The following MBIP variants were observed in gnomAD, a reference collection of about 807,000 sequenced individuals.
MBIP encodes MAP3K12-binding inhibitory protein 1.
In MBIP, 32 loss-of-function variants were observed where a neutral mutation model predicts 45.7. The observed-to-expected ratio is 0.70, with a 90% CI of 0.53 to 0.94. The LOEUF (loss-of-function observed/expected upper bound fraction) is 0.94, where lower values mean the gene tolerates loss of function less well. MBIP is among the 40% of genes least tolerant of loss of function. The probability of loss-of-function intolerance (pLI) is 0.00; values close to 1 mark genes in which losing one functional copy is unlikely to be tolerated. For synonymous variants in MBIP, 145 were observed against 141.0 expected (o/e 1.03, Z -0.20); for missense variants, 381 against 405.5 (o/e 0.94, Z 0.52).
chr14:36,298,956 A>G lies in MBIP; in HGVS notation c.*127T>C. 3.3e-6 allele frequency: 2 copies of G among 597,952 alleles called. No individual in the cohort carries two copies. The highest frequency in any genetic ancestry group is 5.9e-6 in the Non-Finnish European group (2 of 341,308). The allele number at this position is 597,952 out of a possible 1,614,324, so 37.0% of individuals were successfully genotyped here. On this transcript the variant is annotated 3_prime_UTR_variant, in exon 9 of 9. Transcript: ENST00000416007. ...AGATTACTTGCTGCAAGCTGGACTC[A>G]TGTGAAAATAAACCTTGACTTCACA...
chr14:36,312,078 A>G, intron 4 of MBIP, 54 bp from the exon 5 acceptor site: 1 of 982,840 alleles, frequency 1.0e-6, no homozygotes, highest in South Asian at 1.8e-5. Context: ...CTTCAAATGT[A>G]TGAGATTTTA....
Position 36,314,769 on chromosome 14 carries a change from T to G in MBIP, c.396A>C (p.Glu132Asp), listed in dbSNP as rs200417762. ...GDLQEEEKHK[E>D]SDLRDVKKTQ... is the part of the protein sequence containing the mutation. ...TCTTTTTCACATCTCTTAAATCACT[T>G]TCTTTGTGCTTTTCTTCCTCTTGTA... Residue 132 changes from glutamate (E) to aspartate (D), a missense_variant, in exon 3 of 9, where the codon GAA (glutamate) becomes GAC (aspartate). Glu to Asp is a conservative substitution (Grantham distance 45). Transcript: ENST00000416007. The G allele has an allele frequency of 2.0e-5, 33 of 1,613,562 alleles. 1 individual carries two copies.
chr14:36,306,569 G>A (rs533354698), intron 7 of MBIP, among the ~76,000 whole-genome samples: 5 of 152,238 alleles, frequency 3.3e-5, no homozygotes, highest in South Asian at 2.1e-4. Flanking sequence ...CACTGCATCC[G>A]GCCTCTGTTA....
intron 6 of MBIP, among the ~76,000 whole-genome samples, chr14:36,309,531 C>G (rs759073422): frequency 1.3e-5 from 2 of 152,156 alleles, no homozygotes; most frequent in African/African-American, 4.8e-5. Flanking sequence ...TTAAAGAATA[C>G]GGGTAAATTT....
chr14:36,311,694 C>T lies in MBIP; in HGVS notation c.669G>A (p.Gln223=), dbSNP rs1364493384. ...ACCCTGGAATTCCTTCAGGTCTAGT[C>T]TGTGGTCCGTATGTATTCACAACTC... is the stretch of plus-strand genomic sequence containing the variant. ...VSRVVNTYGP[Q]TRPEGIPGSG... is the part of the protein sequence containing the mutation. Residue 223 remains glutamine, a synonymous_variant, in exon 6 of 9, where the codon CAG becomes CAA. Coordinates refer to ENST00000416007, the MANE Select transcript of MBIP (RefSeq NM_016586.3). 8.1e-6 allele frequency: 13 copies of T among 1,613,130 alleles called. No individual in the cohort carries two copies. The highest frequency in any genetic ancestry group is 1.1e-5 in the Non-Finnish European group (13 of 1,179,488).
At position 36,316,774 on chromosome 14, in the gene MBIP, A is replaced by T. The variant is rs1314269384; in HGVS notation, c.168T>A (p.Asp56Glu). 3.1e-6 allele frequency: 5 copies of T among 1,612,546 alleles called. No homozygotes were observed. Among genetic ancestry groups the T allele is most frequent in the Non-Finnish European group, 4.2e-6 (5 of 1,179,128 alleles). ...CCGAGAGGCTCTGGAGCTTGTTCCA[A>T]TCGATTGTAATTTTCACCACATCAT... Reference protein sequence around the residue: ...LRDDVVKITIDWNKLQSLSAF... With the variant: ...LRDDVVKITIEWNKLQSLSAF... Residue 56 changes from aspartate (D) to glutamate (E), a missense_variant, in exon 2 of 9, where the codon GAT becomes GAA. Asp to Glu is a conservative substitution (Grantham distance 45). Transcript: ENST00000416007.
At chr14:36,316,006 A>G (rs746643015) in intron 2 of MBIP, among the ~76,000 whole-genome samples, 24 of 152,136 alleles carry the variant, frequency 1.6e-4, no homozygotes, top group Non-Finnish European at 3.1e-4. Flanking sequence ...GCAAACTTAC[A>G]TCAATTATAA....
intron 7 of MBIP, among the ~76,000 whole-genome samples, chr14:36,304,386 A>G (rs887264702): frequency 4.6e-5 from 7 of 152,222 alleles, no homozygotes; most frequent in African/African-American, 9.6e-5. Flanking sequence ...CCTGCCCTTG[A>G]GAGTTTCAAA....
rs753866419 is a variant in MBIP at position 36,314,920 on chromosome 14, G to A, written c.250-5C>T. The A allele has an allele frequency of 1.3e-5, 21 of 1,586,834 alleles. No individual in the cohort carries two copies. The East Asian group carries it at 4.5e-4, about 34-fold the overall frequency. Reference sequence around the variant, plus strand: ...CTGAAGTTTTGCTAAAAAAGGCTGAGAACAACACAATTCCATCTGCTGAGG... The same window carrying A: ...CTGAAGTTTTGCTAAAAAAGGCTGAAAACAACACAATTCCATCTGCTGAGG... On this transcript the variant is annotated splice_polypyrimidine_tract_variant and splice_region_variant and intron_variant, in intron 2 of 8. Transcript: ENST00000416007.
rs1341203864 is a variant in MBIP, at chr14:36,314,930, A to G, written c.250-15T>C. Reference sequence around the variant, plus strand: ...GCTAAAAAAGGCTGAGAACAACACAATTCCATCTGCTGAGGTTCAATCTGA... The same window carrying G: ...GCTAAAAAAGGCTGAGAACAACACAGTTCCATCTGCTGAGGTTCAATCTGA... On this transcript the variant is annotated splice_polypyrimidine_tract_variant and intron_variant, in intron 2 of 8. Coordinates refer to ENST00000416007, the MANE Select transcript of MBIP (RefSeq NM_016586.3). 2.6e-6 allele frequency: 4 copies of G among 1,538,788 alleles called. No individual in the cohort carries two copies. The highest frequency in any genetic ancestry group is 2.2e-5 in the East Asian group (1 of 44,480).
At chr14:36,320,407 CGAG>C (rs1566558686) in intron 1 of MBIP, 50 bp downstream of exon 1, 1 of 1,611,556 alleles carries the variant, frequency 6.2e-7, no homozygotes, top group South Asian at 1.1e-5. Flanking sequence ...AAAAGAATGG[CGAG>C]GAGGGACCGG....
At chr14:36,312,302 C>A (rs1232164266) in intron 4 of MBIP, among the ~76,000 whole-genome samples, 1 of 152,000 alleles carries the variant, frequency 6.6e-6, no homozygotes, top group Non-Finnish European at 1.5e-5. Context: ...ATTTTGAAAA[C>A]CAATGTCACT....
chr14:36,303,390 G>A (rs960648594), intron 7 of MBIP, among the ~76,000 whole-genome samples: 39 of 152,134 alleles, frequency 2.6e-4, no homozygotes, highest in African/African-American at 8.9e-4. Flanking sequence ...TCTGAGAAAT[G>A]TGTTAATTTT....
intron 7 of MBIP, among the ~76,000 whole-genome samples, chr14:36,306,832 C>T (rs1490018844): frequency 5.3e-5 from 8 of 152,142 alleles, no homozygotes; most frequent in Admixed American, 5.2e-4. Flanking sequence ...TTTATGAAGT[C>T]TCCTAGGAAG....
intron 1 of MBIP, 94 bp downstream of exon 1, chr14:36,320,366 A>G (rs981117450): frequency 4.1e-5 from 65 of 1,570,874 alleles, no homozygotes; most frequent in Non-Finnish European, 5.3e-5. Flanking sequence ...ACACCTCTGC[A>G]GGCCTAGCTG....
chr14:36,300,848 G>C (rs765119976), intron 7 of MBIP, 25 bp from the exon 8 acceptor site: 2 of 1,363,272 alleles, frequency 1.5e-6, no homozygotes, highest in African/African-American at 3.0e-5. Context: ...AAAAGGTAAT[G>C]TTTAGAAAAA....
chr14:36,318,931 T>A (rs1399206581), intron 1 of MBIP, among the ~76,000 whole-genome samples: 2 of 152,094 alleles, frequency 1.3e-5, no homozygotes, highest in Admixed American at 6.5e-5. Context: ...AAACAGTTTG[T>A]ATTTAATTGA....
At chr14:36,299,426 T>A in intron 8 of MBIP, among the ~76,000 whole-genome samples, 1 of 148,862 alleles carries the variant, frequency 6.7e-6, no homozygotes, top group Middle Eastern at 3.5e-3. Context: ...ATGACTAAGC[T>A]CTCCTGAACC....
chr14:36,309,139 C>T (rs1003758925), intron 6 of MBIP, among the ~76,000 whole-genome samples: 2 of 152,114 alleles, frequency 1.3e-5, no homozygotes, highest in African/African-American at 4.8e-5. Flanking sequence ...TTCCCTCTAC[C>T]GCCATAATCC....
Sources: gnomAD v4.1 joint callset for allele counts (sites outside exome capture counted in the v4.1 genomes callset) on GRCh38, gnomAD v4.1.1 for gene constraint, MANE v1.5 for transcripts, NCBI Gene and HGNC (gene_info 2026-07-23, HGNC 2026-07-21) for gene names.